The following ERCC3 variants were observed in gnomAD, a reference collection of about 807,000 sequenced individuals.
ERCC3 encodes the protein ERCC excision repair 3, TFIIH core complex helicase subunit.
In ERCC3, 66 loss-of-function variants were observed where a neutral mutation model predicts 94.2. The ratio of observed to expected loss-of-function variants is 0.70; its 90% CI spans 0.57 to 0.86. The LOEUF (loss-of-function observed/expected upper bound fraction) is 0.86, where lower values mean the gene tolerates loss of function less well. Ranked by LOEUF, ERCC3 falls within the 40% of genes least tolerant of loss-of-function variation. The pLI is 0.00. For missense variants in ERCC3, 829 were observed against 987.1 expected (o/e 0.84, Z 2.15); for synonymous variants, 349 against 369.1 (o/e 0.95, Z 0.63).
intron 12 of ERCC3, among the ~76,000 whole-genome samples, chr2:127,269,413 T>C (rs905175571): frequency 4.7e-5 from 7 of 149,414 alleles, no homozygotes; most frequent in South Asian, 4.3e-4. Context: ...AACAATTCTA[T>C]TCACTTTTTT....
rs1445121458 is a variant in ERCC3, at chr2:127,279,935, T to A, written c.1527+512A>T. Among the ~76,000 whole-genome samples, 1 of 152,192 alleles carries A rather than the reference T, an allele frequency of 6.6e-6. No individual in the cohort carries two copies. Among genetic ancestry groups the A allele is most frequent in the Non-Finnish European group, 1.5e-5 (1 of 68,036 alleles). On this transcript the variant is annotated intron_variant, in intron 9 of 14. Transcript: ENST00000285398. This position sits in a 1 kb window ranked among gnomAD's most constrained non-coding sequence, Gnocchi z 4.7. ...GAGTTATTTTCACACCAGCTGCAAG[T>A]GTGCGAAACCAGATTCTCAATTGGT...
In ERCC3 at chr2:127,257,300, T is replaced by C; in HGVS notation, c.*296A>G. The C allele has an allele frequency of 2.2e-6, 1 of 465,068 alleles. No individual in the cohort carries two copies. The highest frequency in any genetic ancestry group is 4.1e-6 in the Non-Finnish European group (1 of 242,670). 28.8% of individuals were successfully genotyped at this position (465,068 alleles called of 1,614,324 possible). ...ACTTGTACAATGAAGACTGGTTCAA[T>C]GGTCCATTCTGTTTATTCAGAACGG... On this transcript the variant is annotated 3_prime_UTR_variant, in exon 15 of 15. Coordinates refer to ENST00000285398, the MANE Select transcript of ERCC3 (RefSeq NM_000122.2). The surrounding 1 kb of genome is among the most constrained non-coding windows in gnomAD (Gnocchi z 5.4).
intron 10 of ERCC3, among the ~76,000 whole-genome samples, chr2:127,276,522 T>A (rs1439024060): frequency 1.4e-5 from 2 of 146,316 alleles, no homozygotes; most frequent in Admixed American, 6.7e-5. Flanking sequence ...ACAAGAACAG[T>A]TACCAGGAAA....
intron 8 of ERCC3, chr2:127,281,031 A>G: frequency 2.3e-6 from 1 of 433,752 alleles, no homozygotes. Flanking sequence ...AGGAATCTCC[A>G]AGTTAATGAA....
chr2:127,288,166 C>T (rs1480731883), intron 7 of ERCC3, among the ~76,000 whole-genome samples: 1 of 152,052 alleles, frequency 6.6e-6, no homozygotes, highest in Non-Finnish European at 1.5e-5. Flanking sequence ...AACAGGTGCC[C>T]AGGGGGCCAC....
chr2:127,263,427 A>G (rs1198139543), intron 12 of ERCC3, among the ~76,000 whole-genome samples: 1 of 152,300 alleles, frequency 6.6e-6, no homozygotes, highest in South Asian at 2.1e-4. Context: ...CTCAGCTTGA[A>G]TGTTACTGGT....
rs4150401 is a variant in ERCC3 at position 127,293,029 on chromosome 2, T to C, written c.235-183A>G. On this transcript the variant is annotated intron_variant, in intron 2 of 14. Coordinates refer to ENST00000285398, the MANE Select transcript of ERCC3 (RefSeq NM_000122.2). Reference sequence around the variant, plus strand: ...TCAGATACAGAAGAGTAAAGAAAAATAGAAGAAAGTGTTTCCAAAGTCAAC... The same window carrying C: ...TCAGATACAGAAGAGTAAAGAAAAACAGAAGAAAGTGTTTCCAAAGTCAAC... 6.6e-5 allele frequency among the ~76,000 whole-genome samples: 10 copies of C among 152,230 alleles called. No homozygotes were observed. In the East Asian group the frequency reaches 1.5e-3, roughly 23 times the overall value.
chr2:127,285,447 G>A (rs1368939308), intron 8 of ERCC3, among the ~76,000 whole-genome samples: 1 of 152,116 alleles, frequency 6.6e-6, no homozygotes, highest in Non-Finnish European at 1.5e-5. Flanking sequence ...TGTAATCCCA[G>A]GGTGAGGCTG....
chr2:127,265,957 A>T (rs1006863639), intron 12 of ERCC3, among the ~76,000 whole-genome samples: 3 of 151,952 alleles, frequency 2.0e-5, no homozygotes, highest in African/African-American at 7.3e-5. Context: ...CCTTTGCTGT[A>T]CCCCAGAGAT....
intron 8 of ERCC3, among the ~76,000 whole-genome samples, chr2:127,282,574 T>C (rs1206064763): frequency 6.6e-6 from 1 of 152,204 alleles, no homozygotes; most frequent in Non-Finnish European, 1.5e-5. Flanking sequence ...TTGAGATAAA[T>C]CTCAAAGATT....
intron 12 of ERCC3, among the ~76,000 whole-genome samples, chr2:127,265,980 ATC>A (rs1412709379): frequency 1.3e-5 from 2 of 152,096 alleles, no homozygotes; most frequent in South Asian, 2.1e-4. Context: ...AGTATGTTGT[ATC>A]TGTTTTCATT....
At position 127,279,252 on chromosome 2, in the gene ERCC3, GAAACTTGATCAGAA is replaced by G; in HGVS notation, c.1637_1650del (p.Phe546SerfsTer2). The G allele has an allele frequency of 3.1e-6, 5 of 1,613,802 alleles. No homozygotes were observed. The highest frequency in any genetic ancestry group is 4.2e-6 in the Non-Finnish European group (5 of 1,179,710). On this transcript the variant is annotated frameshift_variant, in exon 10 of 15. Transcript: ENST00000285398. LOFTEE classifies it high-confidence loss of function. This position sits in a 1 kb window ranked among gnomAD's most constrained non-coding sequence, Gnocchi z 4.7. Reference sequence around the variant, plus strand: ...ATAATCTTGTCATTCCTCCTTTCATGAAACTTGATCAGAAACTGGCAAGCTCTAAATTTGTTGGG... The same window carrying G: ...ATAATCTTGTCATTCCTCCTTTCATGACTGGCAAGCTCTAAATTTGTTGGG...
chr2:127,292,895 A>G, intron 2 of ERCC3, 49 bp from the exon 3 acceptor site: 1 of 1,194,042 alleles, frequency 8.4e-7, no homozygotes, highest in South Asian at 1.2e-5. Context: ...TGAGTTGCAG[A>G]GACTACTGGG....
Position 127,286,709 on chromosome 2 carries a change from T to C in ERCC3, c.1336A>G (p.Ile446Val), listed in dbSNP as rs776211616. Residue 446 changes from isoleucine (I) to valine (V), a missense_variant, in exon 8 of 15, where the codon ATA becomes GTA. Transcript: ENST00000285398. ...GLMILDEVHTIPAKMFRRVLT... is the reference protein window; with the variant it reads ...GLMILDEVHTVPAKMFRRVLT... ...TCAGCTCCAGCCTGCTTACCTGGTATGGTGTGCACTTCATCCAGGATCATG... is the reference window on the plus strand; with the variant it reads ...TCAGCTCCAGCCTGCTTACCTGGTACGGTGTGCACTTCATCCAGGATCATG... The C allele has an allele frequency of 1.9e-6, 3 of 1,613,650 alleles. No individual in the cohort carries two copies. In the Admixed American group the frequency reaches 5.0e-5, roughly 27 times the overall value.
In ERCC3 at chr2:127,286,934, C is replaced by G. The variant is rs371109024; in HGVS notation, c.1111G>C (p.Val371Leu). 3.9e-5 allele frequency: 63 copies of G among 1,614,002 alleles called. No homozygotes were observed. Among genetic ancestry groups the G allele is most frequent in the Non-Finnish European group, 5.2e-5 (61 of 1,179,980 alleles). The stretch of plus-strand genomic sequence containing the variant: ...TTGAACTGGGCTTTCCACTGCTCCA[C>G]AGAAACAGCTGAGTTGCCCAGCACC... ...CLVLGNSAVS[V>L]EQWKAQFKMW... The change falls in exon 8 of 15, where the codon GTG (valine) becomes CTG (leucine). Residue 371 changes from valine (V) to leucine (L), a missense_variant. Transcript: ENST00000285398.
At chr2:127,260,800 C>T (rs1684167506) in intron 13 of ERCC3, 1 of 208,006 alleles carries the variant, frequency 4.8e-6, no homozygotes, top group Non-Finnish European at 9.8e-6. Context: ...GCAAATGCCT[C>T]AGCCAGTGAA....
At chr2:127,262,694 C>G (rs1684232002) in intron 12 of ERCC3, 1 of 152,134 alleles carries the variant, frequency 6.6e-6, no homozygotes. Flanking sequence ...CTTTTGGGAG[C>G]TGATGAGAAT....
chr2:127,271,627 G>A lies in ERCC3; in HGVS notation c.1828-174C>T, dbSNP rs574401807. On this transcript the variant is annotated intron_variant, in intron 11 of 14. Transcript: ENST00000285398. This position sits in a 1 kb window ranked among gnomAD's most constrained non-coding sequence, Gnocchi z 5.0. The stretch of plus-strand genomic sequence containing the variant: ...AGGTGAAGCAATAAACCTCAGAAAG[G>A]CATCTCTGGGTCTCCAGGACCTTGT... 2.6e-5 allele frequency among the ~76,000 whole-genome samples: 4 copies of A among 152,272 alleles called. No homozygotes were observed. Among genetic ancestry groups the A allele is most frequent in the Admixed American group, 2.6e-4 (4 of 15,286 alleles).
chr2:127,279,331 T>C lies in ERCC3; in HGVS notation c.1572A>G (p.Ala524=). The C allele has an allele frequency of 6.2e-7, 1 of 1,614,174 alleles. No individual in the cohort carries two copies. The highest frequency in any genetic ancestry group is 1.1e-5 in the South Asian group (1 of 91,086). Residue 524 remains alanine (A), a synonymous_variant, in exon 10 of 15, where the codon GCA becomes GCG. Coordinates refer to ENST00000285398, the MANE Select transcript of ERCC3 (RefSeq NM_000122.2). This position sits in a 1 kb window ranked among gnomAD's most constrained non-coding sequence, Gnocchi z 4.7. The part of the protein sequence containing the change: ...MSPEFYREYV[A]IKTKKRILLY... Reference sequence around the variant, plus strand: ...GCAAGATTCGTTTCTTGGTTTTGATTGCCACATATTCCCGGTAAAATTCAG... The same window carrying C: ...GCAAGATTCGTTTCTTGGTTTTGATCGCCACATATTCCCGGTAAAATTCAG...
Sources: allele counts gnomAD v4.1 joint callset (sites outside exome capture counted in the v4.1 genomes callset), GRCh38; gene constraint gnomAD v4.1.1; non-coding constraint Gnocchi (gnomAD v3.1); transcripts MANE v1.5; gene names NCBI Gene and HGNC (gene_info 2026-07-23, HGNC 2026-07-21).